HCFC2: variants seen among roughly 807,000 people sequenced by gnomAD.
The protein encoded by HCFC2 is host cell factor C2.
Under a neutral mutation model 89.2 loss-of-function variants are expected in HCFC2, and 18 were observed. The ratio of observed to expected loss-of-function variants is 0.20; its 90% CI spans 0.14 to 0.30. HCFC2 has a LOEUF of 0.30. Ranked by LOEUF, HCFC2 falls within the 10% of genes least tolerant of loss-of-function variation. HCFC2 has a pLI of 1.00. For synonymous variants in HCFC2, 308 were observed against 335.7 expected, an observed-to-expected ratio of 0.92 and a Z score of 0.90; for missense variants, 578 against 956.1, an observed-to-expected ratio of 0.60 and a Z score of 5.21.
chr12:104,098,723 G>A (rs1476292379), intron 13 of HCFC2, among the ~76,000 whole-genome samples: 2 of 152,180 alleles, frequency 1.3e-5, no homozygotes, highest in Non-Finnish European at 2.9e-5. Flanking sequence ...GAGACTGGCC[G>A]GGCGCAGTGG....
chr12:104,064,710 C>G lies in HCFC2; in HGVS notation c.150C>G (p.His50Gln). The change falls in exon 1 of 15, where the codon CAC becomes CAG. Residue 50 changes from histidine to glutamine, a missense_variant. This residue lies in a region of HCFC2 where 206 missense variants were observed against 419.2 expected (regional missense o/e 0.49). Transcript: ENST00000229330. This position sits in a 1 kb window ranked among gnomAD's most constrained non-coding sequence, Gnocchi z 7.3. ...ATGAGGGCATCGCGGATGAGCTGCA[C>G]GTCTACAACACGGGTAGGCGCGGCG... is the stretch of plus-strand genomic sequence containing the variant. The part of the protein sequence containing the change: ...GGNEGIADEL[H>Q]VYNTATNQWF... The G allele has an allele frequency of 6.4e-7, 1 of 1,565,170 alleles. No individual in the cohort carries two copies. The highest frequency in any genetic ancestry group is 8.6e-7 in the Non-Finnish European group (1 of 1,158,122).
intron 12 of HCFC2, 176 bp from the exon 13 acceptor site, chr12:104,098,167 C>T (rs1884230171): frequency 4.2e-6 from 2 of 477,328 alleles, no homozygotes; most frequent in Admixed American, 3.9e-5. Flanking sequence ...GAATTGGCAT[C>T]CCTGTTTCAC....
chr12:104,078,320 T>C (rs763780382), intron 3 of HCFC2, among the ~76,000 whole-genome samples: 65 of 152,208 alleles, frequency 4.3e-4, no homozygotes, highest in Non-Finnish European at 6.5e-4. Flanking sequence ...TATTCTTAGA[T>C]TTATTTTTCT....
chr12:104,078,403 C>A (rs575344400), intron 3 of HCFC2, among the ~76,000 whole-genome samples: 1 of 152,220 alleles, frequency 6.6e-6, no homozygotes, highest in Admixed American at 6.5e-5. Context: ...TTTTATATGT[C>A]CTGAAATGTT....
At chr12:104,073,596 A>G (rs371451346) in intron 3 of HCFC2, among the ~76,000 whole-genome samples, 3 of 152,314 alleles carry the variant, frequency 2.0e-5, no homozygotes, top group South Asian at 2.1e-4. Flanking sequence ...TAAATTTTCT[A>G]TATTTTCTTC....
intron 3 of HCFC2, among the ~76,000 whole-genome samples, chr12:104,071,753 A>C (rs980397085): frequency 2.0e-4 from 31 of 152,234 alleles, no homozygotes; most frequent in African/African-American, 7.2e-4. Flanking sequence ...TTCCAAACTG[A>C]CTACACTATT....
At chr12:104,091,376 C>T (rs1380183563) in intron 9 of HCFC2, among the ~76,000 whole-genome samples, 1 of 152,144 alleles carries the variant, frequency 6.6e-6, no homozygotes, top group Non-Finnish European at 1.5e-5. Flanking sequence ...CTGCACTGGG[C>T]CCTGGGGCAC....
chr12:104,103,003 T>A lies in HCFC2; in HGVS notation c.2109T>A (p.Pro703=). Residue 703 remains proline (P), a synonymous_variant, in exon 15 of 15, where the codon CCT becomes CCA. Transcript: ENST00000229330. The part of the protein sequence containing the change: ...IHLSWEPPTS[P]SGNILEYSAY... ...TTTCCTGGGAACCTCCAACCTCACC[T>A]TCTGGAAATATTTTGGAATATTCAG... 6.2e-7 allele frequency: 1 copy of A among 1,611,296 alleles called. No individual in the cohort carries two copies. The highest frequency in any genetic ancestry group is 8.5e-7 in the Non-Finnish European group (1 of 1,178,438).
chr12:104,081,872 T>G (rs2136609557), intron 5 of HCFC2, among the ~76,000 whole-genome samples: 1 of 143,088 alleles, frequency 7.0e-6, no homozygotes, highest in Non-Finnish European at 1.5e-5. Flanking sequence ...GCCACTGTAC[T>G]CTAGCCTGGG....
chr12:104,082,801 T>G lies in HCFC2; in HGVS notation c.963T>G (p.Val321=). 1 of 1,614,058 alleles carries G rather than the reference T, an allele frequency of 6.2e-7. No individual in the cohort carries two copies. Among genetic ancestry groups the G allele is most frequent in the Non-Finnish European group, 8.5e-7 (1 of 1,179,940 alleles). ...RPRPRAGHCA[V]AIGTRLYFWS... is the part of the protein sequence containing the mutation. ...GACCAAGAGCTGGCCACTGTGCTGT[T>G]GCAATCGGCACTCGATTGTATTTTT... The change falls in exon 7 of 15, where the codon GTT becomes GTG. Residue 321 remains valine, a synonymous_variant. Coordinates refer to ENST00000229330, the MANE Select transcript of HCFC2 (RefSeq NM_013320.3).
chr12:104,080,139 T>C (rs1883638706), intron 4 of HCFC2, among the ~76,000 whole-genome samples: 1 of 152,192 alleles, frequency 6.6e-6, no homozygotes, highest in South Asian at 2.1e-4. Flanking sequence ...CTATCTTCTG[T>C]CCAGTGTACT....
chr12:104,084,447 A>T (rs181938245), intron 7 of HCFC2, among the ~76,000 whole-genome samples: 25 of 152,304 alleles, frequency 1.6e-4, no homozygotes, highest in African/African-American at 3.8e-4. Flanking sequence ...AGGAGGGAAC[A>T]GCACATACAA....
chr12:104,098,948 C>T (rs1169530435), intron 13 of HCFC2, among the ~76,000 whole-genome samples: 3 of 151,406 alleles, frequency 2.0e-5, no homozygotes, highest in South Asian at 2.1e-4. Context: ...TGCAGTGAGC[C>T]GAGATGGTGC....
rs1884083299 is a variant in HCFC2 at position 104,093,414 on chromosome 12, C to G, written c.1313C>G (p.Thr438Ser). 1 of 1,612,848 alleles carries G rather than the reference C, an allele frequency of 6.2e-7. No homozygotes were observed. The highest frequency in any genetic ancestry group is 1.3e-5 in the African/African-American group (1 of 74,828). ...AATGATACAATAAACAGCACAAAAA[C>G]TGAACAGCCAGCCACAAAAGAAACT... ...SINDTINSTK[T>S]EQPATKETSM... Residue 438 changes from threonine to serine, a missense_variant, in exon 10 of 15, where the codon ACT becomes AGT. Thr to Ser is a moderately conservative substitution (Grantham distance 58). Around this residue, in one of 4 missense-constraint regions of HCFC2, gnomAD observed 210 missense variants for 251.7 expected, o/e 0.83. Transcript: ENST00000229330.
At position 104,067,480 on chromosome 12, in the gene HCFC2, G is replaced by T. The variant is rs1020103171; in HGVS notation, c.313-467G>T. On this transcript the variant is annotated intron_variant, in intron 2 of 14. Transcript: ENST00000229330. ...TATACCTATTTACAAGCAACTCATT[G>T]CAAAAATAATTTTAGCTAAAGAAAA... Among the ~76,000 whole-genome samples the T allele has an allele frequency of 2.6e-5, 4 of 152,304 alleles. No homozygotes were observed. In the South Asian group the frequency reaches 8.3e-4, roughly 32 times the overall value.
intron 4 of HCFC2, chr12:104,080,492 A>G (rs983388603): frequency 1.1e-5 from 3 of 278,192 alleles, no homozygotes; most frequent in Non-Finnish European, 2.0e-5. Flanking sequence ...GAATATTTTC[A>G]GTCTGTGGTT....
intron 7 of HCFC2, among the ~76,000 whole-genome samples, chr12:104,085,450 G>T (rs1479415221): frequency 3.9e-5 from 6 of 152,134 alleles, no homozygotes; most frequent in Admixed American, 2.6e-4. Context: ...AAAAAAATGT[G>T]TATGACTGAA....
At chr12:104,097,453 G>GT (rs1884209590) in intron 12 of HCFC2, among the ~76,000 whole-genome samples, 1 of 151,624 alleles carries the variant, frequency 6.6e-6, no homozygotes, top group Non-Finnish European at 1.5e-5. Context: ...GTTGAAGAGA[G>GT]TTTTTACAAC....
chr12:104,065,043 A>G (rs988171836), intron 1 of HCFC2: 9 of 265,704 alleles, frequency 3.4e-5, no homozygotes, highest in Non-Finnish European at 6.3e-5. Flanking sequence ...CGCCTGGGCC[A>G]CTCCCCGAAA....
Sources: gnomAD v4.1 joint callset for allele counts (sites outside exome capture counted in the v4.1 genomes callset) on GRCh38, gnomAD v4.1.1 for gene constraint, gnomAD v4.1.1 regional missense constraint, Gnocchi (gnomAD v3.1) non-coding constraint, MANE v1.5 for transcripts, NCBI Gene and HGNC (gene_info 2026-07-23, HGNC 2026-07-21) for gene names.